FAN1: variants seen among roughly 807,000 people sequenced by gnomAD.
FAN1 encodes the protein fanconi-associated nuclease 1.
A neutral mutation model predicts 104.9 loss-of-function variants in FAN1; 91 were observed. That is an observed-to-expected ratio of 0.87 (90% CI 0.73 to 1.03). The LOEUF is 1.03. FAN1 is among the 50% of genes least tolerant of loss of function. The pLI is 0.00. For missense variants in FAN1, 1,263 were observed against 1,239.9 expected (o/e 1.02, Z -0.28); for synonymous variants, 478 against 457.6 (o/e 1.04, Z -0.57).
chr15:30,930,391 G>A (rs1162444160), intron 12 of FAN1, 152 bp from the exon 13 acceptor site: 4 of 841,040 alleles, frequency 4.8e-6, no homozygotes, highest in Middle Eastern at 3.0e-4. Flanking sequence ...TGCAGCTCTG[G>A]TACAAGCAGC....
chr15:30,941,012 A>G, intron 14 of FAN1: 1 of 1,170,536 alleles, frequency 8.5e-7, no homozygotes, highest in Non-Finnish European at 1.1e-6. Flanking sequence ...GAGTTCAATT[A>G]GAGACGACAG....
chr15:30,906,618 T>G (rs527304037), intron 2 of FAN1: 173 of 433,740 alleles, frequency 4.0e-4, no homozygotes, highest in Non-Finnish European at 6.7e-4. Flanking sequence ...CACTGTCGTT[T>G]AGTAAAATGC....
At chr15:30,923,995 C>T (rs1021432659) in intron 8 of FAN1, among the ~76,000 whole-genome samples, 6 of 152,188 alleles carry the variant, frequency 3.9e-5, no homozygotes, top group South Asian at 2.1e-4. Flanking sequence ...AACTACGCCC[C>T]GCTTTCCCTT....
At chr15:30,929,683 A>G (rs1362217653) in intron 12 of FAN1, among the ~76,000 whole-genome samples, 1 of 116,178 alleles carries the variant, frequency 8.6e-6, no homozygotes, top group Admixed American at 1.1e-4. Context: ...TATATCATAT[A>G]ATATATATAA....
intron 13 of FAN1, among the ~76,000 whole-genome samples, chr15:30,936,131 TTCAAG>T (rs2062846410): frequency 6.6e-6 from 1 of 151,058 alleles, no homozygotes; most frequent in Non-Finnish European, 1.5e-5. Flanking sequence ...TTGCTGTGTC[TTCAAG>T]TCTAGTGATG....
Position 30,942,940 on chromosome 15 carries a change from T to G in FAN1, c.*1378T>G, listed in dbSNP as rs933846468. The G allele has an allele frequency of 6.4e-7, 1 of 1,566,624 alleles. No individual in the cohort carries two copies. Among genetic ancestry groups the G allele is most frequent in the African/African-American group, 1.3e-5 (1 of 74,152 alleles). On this transcript the variant is annotated 3_prime_UTR_variant, in exon 15 of 15. Coordinates refer to ENST00000362065, the MANE Select transcript of FAN1 (RefSeq NM_014967.5). The stretch of plus-strand genomic sequence containing the variant: ...GAGCCATTCTGTATACAAGGTGTGC[T>G]CTTTCCAATGTAGAAGGGGTTATGG...
intron 3 of FAN1, 27 bp from the exon 4 acceptor site, chr15:30,910,587 A>G (rs754396203): frequency 2.0e-6 from 3 of 1,483,874 alleles, no homozygotes; most frequent in Non-Finnish European, 2.7e-6. Flanking sequence ...TAAAATTTAA[A>G]AAAACTTTTT....
At chr15:30,926,658 A>C in intron 10 of FAN1, 2 of 985,412 alleles carry the variant, frequency 2.0e-6, no homozygotes, top group Non-Finnish European at 2.4e-6. Flanking sequence ...GAAGACAGAG[A>C]GATACAGTAG....
At chr15:30,911,475 C>T in intron 4 of FAN1, 1 of 983,720 alleles carries the variant, frequency 1.0e-6, no homozygotes, top group Non-Finnish European at 1.2e-6. Flanking sequence ...TTGTTATGAG[C>T]CCATCCTTGT....
rs940671449 is a variant in FAN1, at chr15:30,920,596, T to G, written c.1995T>G (p.Ile665Met). 3.1e-6 allele frequency: 5 copies of G among 1,612,284 alleles called. No individual in the cohort carries two copies. Among genetic ancestry groups the G allele is most frequent in the Non-Finnish European group, 4.2e-6 (5 of 1,179,360 alleles). The change falls in exon 7 of 15, where the codon ATT becomes ATG. Residue 665 changes from isoleucine (I) to methionine (M), a missense_variant. By Grantham distance (10) the Ile-to-Met change is conservative. Around this residue, in one of 2 missense-constraint regions of FAN1, gnomAD observed 581 missense variants for 668.8 expected, o/e 0.87. Coordinates refer to ENST00000362065, the MANE Select transcript of FAN1 (RefSeq NM_014967.5). ...TGCGGTGTTTCACTGTTGGGTGGATTTATACAAGGATTTTGTCTCGGTTTG... is the reference window on the plus strand; with the variant it reads ...TGCGGTGTTTCACTGTTGGGTGGATGTATACAAGGATTTTGTCTCGGTTTG... The part of the protein sequence containing the change: ...LFLRCFTVGW[I>M]YTRILSRFVE...
At chr15:30,910,227 A>G (rs956249636) in intron 3 of FAN1, among the ~76,000 whole-genome samples, 3 of 152,230 alleles carry the variant, frequency 2.0e-5, no homozygotes, top group African/African-American at 7.2e-5. Context: ...TTGTGGGAAG[A>G]AGAGGGCTGA....
In FAN1 at chr15:30,925,022, C is replaced by A. The variant is rs552845723; in HGVS notation, c.2173-105C>A. ...AAGTGCTGTTTGCTCATTTGCTAAT[C>A]AGCAAAATTCAATAATAAACAGTGG... On this transcript the variant is annotated intron_variant, in intron 8 of 14. Coordinates refer to ENST00000362065, the MANE Select transcript of FAN1 (RefSeq NM_014967.5). The A allele has an allele frequency of 4.1e-6, 5 of 1,216,328 alleles. No individual in the cohort carries two copies. The East Asian group carries it at 1.2e-4, about 29-fold the overall frequency. 75.3% of individuals were successfully genotyped at this position (1,216,328 alleles called of 1,614,324 possible).
chr15:30,931,921 G>GAA (rs34350227), intron 13 of FAN1, among the ~76,000 whole-genome samples: 3 of 147,478 alleles, frequency 2.0e-5, no homozygotes, highest in African/African-American at 7.5e-5. Context: ...AAGTTTCCAA[G>GAA]AAAAAAAAAA....
chr15:30,940,710 T>C (rs986167948), intron 14 of FAN1: 7 of 988,566 alleles, frequency 7.1e-6, no homozygotes, highest in Non-Finnish European at 8.4e-6. Flanking sequence ...CTCCTGGCTA[T>C]GAAGCTTAGT....
chr15:30,924,993 C>T, intron 8 of FAN1, 134 bp from the exon 9 acceptor site: 1 of 867,822 alleles, frequency 1.2e-6, no homozygotes, highest in South Asian at 1.8e-5. Flanking sequence ...GCCTAAATCT[C>T]TAGAAGTGCT....
Position 30,906,001 on chromosome 15 carries a change from G to A in FAN1, c.1234+104G>A, listed in dbSNP as rs1286811636. The A allele has an allele frequency of 3.7e-6, 4 of 1,095,806 alleles. No homozygotes were observed. In the Admixed American group the frequency reaches 6.1e-5, roughly 17 times the overall value. The allele number at this position is 1,095,806 out of a possible 1,614,324, so 67.9% of individuals were successfully genotyped here. A position where few individuals can be genotyped will look rare whatever the true frequency, so the allele number is the denominator to read the frequency against. ...AATCTAGTGACCGCAAGGAGTCACT[G>A]TGGTGTTGTGAGCACCCTGTGGGAG... On this transcript the variant is annotated intron_variant, in intron 2 of 14. Transcript: ENST00000362065.
rs977166865 is a variant in FAN1, at chr15:30,939,123, G to A, written c.*3+1864G>A. The A allele has an allele frequency of 5.1e-6, 5 of 985,272 alleles. No homozygotes were observed. The Admixed American group carries it at 2.5e-4, about 48-fold the overall frequency. The allele number at this position is 985,272 out of a possible 1,614,324, so 61.0% of individuals were successfully genotyped here. On this transcript the variant is annotated intron_variant, in intron 14 of 14. Coordinates refer to ENST00000362065, the MANE Select transcript of FAN1 (RefSeq NM_014967.5). ...CCACTTGAGGTTACTACTGCAGCAAGCAGATTTTGTTGACAAATGTGAACA... is the reference window on the plus strand; with the variant it reads ...CCACTTGAGGTTACTACTGCAGCAAACAGATTTTGTTGACAAATGTGAACA...
rs377084092 is a variant in FAN1, at chr15:30,929,372, G to A, written c.2762G>A (p.Arg921His). The change falls in exon 12 of 15, where the codon CGC becomes CAC. Residue 921 changes from arginine (R) to histidine (H), a missense_variant. Arg to His is a conservative substitution (Grantham distance 29). Around this residue, in one of 2 missense-constraint regions of FAN1, gnomAD observed 581 missense variants for 668.8 expected, o/e 0.87. Coordinates refer to ENST00000362065, the MANE Select transcript of FAN1 (RefSeq NM_014967.5). ...GRVASLVSWD[R>H]FTSLQQAQDL... ...GTGGCTTCCCTTGTCAGCTGGGATCGCTTCACGTCTCTTCAGCAAGCTCAG... is the reference window on the plus strand; with the variant it reads ...GTGGCTTCCCTTGTCAGCTGGGATCACTTCACGTCTCTTCAGCAAGCTCAG... 2.4e-5 allele frequency: 38 copies of A among 1,607,072 alleles called. 1 individual carries two copies. Among genetic ancestry groups the A allele is most frequent in the African/African-American group, 9.4e-5 (7 of 74,428 alleles).
intron 12 of FAN1, among the ~76,000 whole-genome samples, 164 bp downstream of exon 12, chr15:30,929,561 A>T (rs1021266010): frequency 1.0e-4 from 13 of 128,814 alleles, no homozygotes; most frequent in African/African-American, 3.0e-4. Context: ...AATATATATT[A>T]TATCTTTATT....
Sources: allele counts gnomAD v4.1 joint callset (sites outside exome capture counted in the v4.1 genomes callset), GRCh38; gene constraint gnomAD v4.1.1; regional missense constraint gnomAD v4.1.1; transcripts MANE v1.5; gene names NCBI Gene and HGNC (gene_info 2026-07-23, HGNC 2026-07-21).